Variants in ZFC3H1 observed in about 807,000 individuals in gnomAD.
ZFC3H1 encodes zinc finger C3H1-type containing.
ZFC3H1 carries 71 observed loss-of-function variants against 243.7 expected under a neutral mutation model. The observed-to-expected ratio is 0.29, with a 90% CI of 0.24 to 0.36. ZFC3H1 has a LOEUF of 0.36. Among genes scored for constraint, ZFC3H1 ranks in the 10% least tolerant of loss-of-function variants. ZFC3H1 has a pLI of 1.00. For missense variants in ZFC3H1, 1,966 were observed against 2,317.1 expected (o/e 0.85, Z 3.11); for synonymous variants, 838 against 813.0 (o/e 1.03, Z -0.52).
chr12:71,629,796 G>A, intron 18 of ZFC3H1, 86 bp from the exon 19 acceptor site: 2 of 847,884 alleles, frequency 2.4e-6, no homozygotes, highest in South Asian at 1.5e-5. Flanking sequence ...ACTAGTTTAA[G>A]AATTAAAGGC....
Position 71,633,333 on chromosome 12 carries a change from T to C in ZFC3H1, c.2616A>G (p.Thr872=), listed in dbSNP as rs776064644. The change falls in exon 13 of 35, where the codon ACA becomes ACG. Residue 872 remains threonine (T), a synonymous_variant. Coordinates refer to ENST00000378743, the MANE Select transcript of ZFC3H1 (RefSeq NM_144982.5). ...TTTTTTCAGTTGCTTGAAGCTGTTC[T>C]GTAAGTTTTGTAATCTTTGCTTCAG... is the stretch of plus-strand genomic sequence containing the variant. ...RNAEAKITKL[T]EQLQATEKIL... 6.2e-7 allele frequency: 1 copy of C among 1,603,516 alleles called. No individual in the cohort carries two copies. Among genetic ancestry groups the C allele is most frequent in the South Asian group, 1.1e-5 (1 of 88,506 alleles).
chr12:71,643,156 T>C (rs1473779212), intron 5 of ZFC3H1, among the ~76,000 whole-genome samples: 1 of 152,084 alleles, frequency 6.6e-6, no homozygotes, highest in Non-Finnish European at 1.5e-5. Context: ...CATATTTATC[T>C]CTAGAAAAAG....
chr12:71,629,908 T>C (rs183612912), intron 18 of ZFC3H1, among the ~76,000 whole-genome samples, 198 bp from the exon 19 acceptor site: 8 of 150,234 alleles, frequency 5.3e-5, no homozygotes, highest in Admixed American at 5.3e-4. Flanking sequence ...ATACCCCATT[T>C]GGGATTAAAA....
chr12:71,629,474 ATATG>A (rs1880262860), intron 19 of ZFC3H1, 131 bp downstream of exon 19: 2 of 599,428 alleles, frequency 3.3e-6, no homozygotes, highest in African/African-American at 1.9e-5. Flanking sequence ...GCCTGGAATG[ATATG>A]TATTACATTA....
At chr12:71,660,443 C>A (rs1219263624) in intron 1 of ZFC3H1, 6 of 151,112 alleles carry the variant, frequency 4.0e-5, no homozygotes, top group Non-Finnish European at 2.9e-5. Context: ...AAAAGAAAAA[C>A]AACAAGATAT....
chr12:71,630,499 G>A, intron 18 of ZFC3H1, 101 bp downstream of exon 18: 1 of 1,421,298 alleles, frequency 7.0e-7, no homozygotes, highest in South Asian at 1.4e-5. Context: ...TAAATACACT[G>A]AATTATAGTA....
At chr12:71,653,240 CTGTAAT>C (rs1469269929) in intron 2 of ZFC3H1, among the ~76,000 whole-genome samples, 2 of 152,128 alleles carry the variant, frequency 1.3e-5, no homozygotes, top group African/African-American at 4.8e-5. Context: ...AAAACAAAAA[CTGTAAT>C]TGAAATGTAA....
At chr12:71,629,844 G>C (rs1029165873) in intron 18 of ZFC3H1, 134 bp from the exon 19 acceptor site, 2 of 586,234 alleles carry the variant, frequency 3.4e-6, no homozygotes, top group African/African-American at 3.8e-5. Flanking sequence ...TATGGCATTT[G>C]AAAGGGCAAA....
intron 27 of ZFC3H1, among the ~76,000 whole-genome samples, chr12:71,616,694 T>G (rs1278618377): frequency 6.6e-6 from 1 of 152,166 alleles, no homozygotes; most frequent in Non-Finnish European, 1.5e-5. Context: ...GTATAACTAT[T>G]TATCTTAAAT....
At chr12:71,620,764 C>T (rs1880005860) in intron 24 of ZFC3H1, among the ~76,000 whole-genome samples, 1 of 152,176 alleles carries the variant, frequency 6.6e-6, no homozygotes. Context: ...CTTACTCCAT[C>T]AAAACACACT....
At chr12:71,646,470 A>C (rs545375342) in intron 3 of ZFC3H1, among the ~76,000 whole-genome samples, 1 of 152,334 alleles carries the variant, frequency 6.6e-6, no homozygotes, top group South Asian at 2.1e-4. Flanking sequence ...ACATGTAGCT[A>C]ACAGCTACCA....
intron 6 of ZFC3H1, among the ~76,000 whole-genome samples, chr12:71,641,238 T>C (rs1880595423): frequency 6.6e-6 from 1 of 152,192 alleles, no homozygotes; most frequent in Non-Finnish European, 1.5e-5. Context: ...AAATTAAAGA[T>C]TGACCAAAGC....
In ZFC3H1 at chr12:71,626,209, T is replaced by TACACACACAC. The variant is rs55719302; in HGVS notation, c.4317+41_4317+50dup. 1.1e-3 allele frequency: 1,241 copies of TACACACACAC among 1,089,490 alleles called. 9 individuals are homozygous for TACACACACAC. The African/African-American group carries it at 0.017, about 15-fold the overall frequency. The allele number at this position is 1,089,490 out of a possible 1,614,324, so 67.5% of individuals were successfully genotyped here. ...ATTTTTAAGATGATCCAAATAATTA[T>TACACACACAC]ACACACACACACACACACACACACA... is the stretch of plus-strand genomic sequence containing the variant. On this transcript the variant is annotated intron_variant, in intron 22 of 34. Transcript: ENST00000378743.
rs1266741946 is a variant in ZFC3H1, at chr12:71,663,616, G to A, written c.-6C>T. 6.2e-7 allele frequency: 1 copy of A among 1,605,932 alleles called. No individual in the cohort carries two copies. The highest frequency in any genetic ancestry group is 8.5e-7 in the Non-Finnish European group (1 of 1,178,232). The stretch of plus-strand genomic sequence containing the variant: ...GGAGTATCTGCGGTCGCCATCCGGG[G>A]AGCAGCGCCTTCCACACAACCTTAG... On this transcript the variant is annotated 5_prime_UTR_variant, in exon 1 of 35. Transcript: ENST00000378743.
At chr12:71,624,380 T>C (rs1330307389) in intron 22 of ZFC3H1, 88 bp from the exon 23 acceptor site, 5 of 1,334,358 alleles carry the variant, frequency 3.7e-6, no homozygotes, top group Non-Finnish European at 4.1e-6. Context: ...AGAAACCATC[T>C]CATAGTAAAT....
intron 12 of ZFC3H1, 88 bp downstream of exon 12, chr12:71,634,067 T>G (rs1013771844): frequency 3.3e-5 from 44 of 1,327,072 alleles, no homozygotes; most frequent in Non-Finnish European, 4.2e-5. Context: ...ATGTATAATC[T>G]TATAGTACGC....
At chr12:71,639,996 C>G (rs1880561154) in intron 6 of ZFC3H1, among the ~76,000 whole-genome samples, 1 of 151,830 alleles carries the variant, frequency 6.6e-6, no homozygotes, top group South Asian at 2.1e-4. Flanking sequence ...TTATTGTGCT[C>G]TTGATTCTGT....
Position 71,613,324 on chromosome 12 carries a change from GTT to G in ZFC3H1, c.5627+9_5627+10del. On this transcript the variant is annotated intron_variant, in intron 31 of 34. Transcript: ENST00000378743. ...AGGCAGAGGACCAAAAGAATGTTAAGTTTTTCTTACCTCAATGCAAGTCCAGA... is the reference window on the plus strand; with the variant it reads ...AGGCAGAGGACCAAAAGAATGTTAAGTTTCTTACCTCAATGCAAGTCCAGA... 6.3e-7 allele frequency: 1 copy of G among 1,599,108 alleles called. No individual in the cohort carries two copies. Among genetic ancestry groups the G allele is most frequent in the Non-Finnish European group, 8.5e-7 (1 of 1,171,480 alleles).
At chr12:71,628,522 G>C (rs1880229174) in intron 20 of ZFC3H1, among the ~76,000 whole-genome samples, 1 of 152,014 alleles carries the variant, frequency 6.6e-6, no homozygotes, top group East Asian at 1.9e-4. Flanking sequence ...CTCATCTTTT[G>C]AGCCTTCTGC....
Sources: allele counts gnomAD v4.1 joint callset (sites outside exome capture counted in the v4.1 genomes callset), GRCh38; gene constraint gnomAD v4.1.1; transcripts MANE v1.5; gene names NCBI Gene and HGNC (gene_info 2026-07-23, HGNC 2026-07-21).